The following PRDM8 variants were observed in gnomAD, a reference collection of about 807,000 sequenced individuals.
PRDM8 encodes the protein PR domain zinc finger protein 8.
In PRDM8, 13 loss-of-function variants were observed where a neutral mutation model predicts 46.5. That is an observed-to-expected ratio of 0.28 (90% CI 0.18 to 0.44). The LOEUF is 0.44. Among genes scored for constraint, PRDM8 ranks in the 20% least tolerant of loss-of-function variants. The pLI is 1.00. For missense variants in PRDM8, 998 were observed against 955.0 expected (o/e 1.04, Z -0.59); for synonymous variants, 473 against 438.4 (o/e 1.08, Z -0.98).
chr4:80,202,011 C>G lies in PRDM8; in HGVS notation c.549C>G (p.His183Gln), dbSNP rs756835117. Reference protein sequence around the residue: ...HLRFRCPKRLHSADISPQDEQ... With the variant: ...HLRFRCPKRLQSADISPQDEQ... ...GTTTCCGCTGCCCCAAGAGACTTCA[C>G]AGCGCTGATATAAGTCCCCAAGACG... The change falls in exon 4 of 4, where the codon CAC becomes CAG. Residue 183 changes from histidine (H) to glutamine (Q), a missense_variant. Transcript: ENST00000415738. 2.5e-6 allele frequency: 4 copies of G among 1,614,150 alleles called. No individual in the cohort carries two copies. The African/African-American group carries it at 4.0e-5, about 16-fold the overall frequency.
chr4:80,194,843 T>C (rs1038604381), upstream of PRDM8, among the ~76,000 whole-genome samples: 2 of 152,186 alleles, frequency 1.3e-5, no homozygotes, highest in African/African-American at 4.8e-5. Context: ...ATGTATAAAA[T>C]TGTCGCTGTT....
In PRDM8 at chr4:80,203,686, C is replaced by T; in HGVS notation, c.*154C>T. On this transcript the variant is annotated 3_prime_UTR_variant, in exon 4 of 4. Coordinates refer to ENST00000415738, the MANE Select transcript of PRDM8 (RefSeq NM_001099403.2). ...CCCCCCCGCCCCCCCAACGCGCACA[C>T]ACACGTCCTCTCCTCCCAGGAACCT... 2 of 1,332,268 alleles carry T rather than the reference C, an allele frequency of 1.5e-6. No homozygotes were observed. Among genetic ancestry groups the T allele is most frequent in the South Asian group, 1.5e-5 (1 of 64,536 alleles). The allele number at this position is 1,332,268 out of a possible 1,614,324, so 82.5% of individuals were successfully genotyped here.
intron 3 of PRDM8, 132 bp downstream of exon 3, chr4:80,201,653 T>A: frequency 1.0e-6 from 1 of 988,892 alleles, no homozygotes; most frequent in Non-Finnish European, 1.5e-6. Context: ...TTCTGAGATG[T>A]AGTCTGGAAT....
chr4:80,198,213 G>A (rs1203128366), intron 1 of PRDM8, among the ~76,000 whole-genome samples: 1 of 152,258 alleles, frequency 6.6e-6, no homozygotes, highest in African/African-American at 2.4e-5. Flanking sequence ...CTGGCGCTGC[G>A]ACTCCGACCG....
intron 1 of PRDM8, among the ~76,000 whole-genome samples, chr4:80,198,219 G>T (rs894566741): frequency 1.3e-5 from 2 of 152,252 alleles, no homozygotes; most frequent in Admixed American, 6.5e-5. Flanking sequence ...CTGCGACTCC[G>T]ACCGCTATTA....
At chr4:80,190,792 G>T (rs999280770) in intron 1 of PRDM8, among the ~76,000 whole-genome samples, 8 of 152,166 alleles carry the variant, frequency 5.3e-5, no homozygotes, top group African/African-American at 1.9e-4. Context: ...GCCTTGAGGA[G>T]GAGCAGCTAA....
chr4:80,192,083 A>G (rs1041479406), intron 2 of PRDM8, among the ~76,000 whole-genome samples: 1 of 152,012 alleles, frequency 6.6e-6, no homozygotes, highest in South Asian at 2.1e-4. Flanking sequence ...AGGCCTCAGG[A>G]AAGTGTACCA....
At chr4:80,196,637 A>G, upstream of PRDM8, 1 of 983,138 alleles carries the variant, frequency 1.0e-6, no homozygotes, top group South Asian at 4.7e-5. Flanking sequence ...CTTGCCCCCC[A>G]ACCCCAAGAC....
intron 2 of PRDM8, among the ~76,000 whole-genome samples, chr4:80,192,262 T>C (rs1311813540): frequency 6.6e-6 from 1 of 152,146 alleles, no homozygotes; most frequent in Non-Finnish European, 1.5e-5. Flanking sequence ...AGGATATATA[T>C]GCTGTGTGTC....
Position 80,200,138 on chromosome 4 carries a change from CAAT to C in PRDM8, c.59_61del (p.Gln20_Cys21delinsArg). 6.2e-7 allele frequency: 1 copy of C among 1,614,142 alleles called. No homozygotes were observed. Among genetic ancestry groups the C allele is most frequent in the Non-Finnish European group, 8.5e-7 (1 of 1,180,010 alleles). On this transcript the variant is annotated inframe_deletion, in exon 2 of 4. Coordinates refer to ENST00000415738, the MANE Select transcript of PRDM8 (RefSeq NM_001099403.2). The stretch of plus-strand genomic sequence containing the variant: ...GGATGGAGATGCCAAGGCTGTCCAA[CAAT>C]GTCTGACAGATATTTTTACCAGCGT...
upstream of PRDM8, chr4:80,196,100 G>C (rs1022339861): frequency 2.0e-5 from 20 of 982,910 alleles, no homozygotes; most frequent in Non-Finnish European, 2.4e-5. Flanking sequence ...GGGTCTCAAA[G>C]CTGGGAGAGG....
At chr4:80,196,097 A>C, upstream of PRDM8, 1 of 983,890 alleles carries the variant, frequency 1.0e-6, no homozygotes, top group Non-Finnish European at 1.2e-6. Context: ...GAAGGGTCTC[A>C]AAGCTGGGAG....
chr4:80,200,827 C>T (rs546687282), intron 2 of PRDM8, among the ~76,000 whole-genome samples: 4 of 152,296 alleles, frequency 2.6e-5, no homozygotes, highest in African/African-American at 9.6e-5. Context: ...CCTCTCATTT[C>T]CTATTCTTCT....
chr4:80,198,350 A>G (rs2109872857), intron 1 of PRDM8, among the ~76,000 whole-genome samples: 1 of 152,348 alleles, frequency 6.6e-6, no homozygotes. Context: ...TGCTTGTGTG[A>G]AAGAGATTTT....
intron 3 of PRDM8, 57 bp downstream of exon 3, chr4:80,201,578 G>GGGGAGAGCCCTTAACT: frequency 6.5e-7 from 1 of 1,542,258 alleles, no homozygotes; most frequent in Non-Finnish European, 8.9e-7. Context: ...GAGACGCAGG[G>GGGGAGAGCCCTTAACT]AGCGGCAGGG....
intron 3 of PRDM8, 92 bp downstream of exon 3, chr4:80,201,613 T>A: frequency 7.8e-7 from 1 of 1,285,224 alleles, no homozygotes; most frequent in Non-Finnish European, 1.1e-6. Flanking sequence ...TTGGCGCGCC[T>A]TTCTTCCCTT....
In PRDM8 at chr4:80,201,301, A is replaced by G. The variant is rs1045192626; in HGVS notation, c.231A>G (p.Ser77=). 1.1e-5 allele frequency: 17 copies of G among 1,614,064 alleles called. No individual in the cohort carries two copies. Among genetic ancestry groups the G allele is most frequent in the Non-Finnish European group, 1.7e-6 (2 of 1,180,026 alleles). The change falls in exon 3 of 4, where the codon TCA becomes TCG. Residue 77 remains serine (S), a synonymous_variant. Transcript: ENST00000415738. ...TVPYIFRVDT[S]AANGSSEGLM... ...ATTTCAAACCGCAGGTAGACACCTC[A>G]GCAGCAAATGGTTCCTCAGAAGGTC...
At chr4:80,196,459 T>C (rs1737967274), upstream of PRDM8, 2 of 985,268 alleles carry the variant, frequency 2.0e-6, no homozygotes, top group South Asian at 4.7e-5. Context: ...CTCAAGTCAT[T>C]AGCATCAGCT....
At chr4:80,186,723 C>G (rs1737122104) in intron 1 of PRDM8, among the ~76,000 whole-genome samples, 1 of 152,208 alleles carries the variant, frequency 6.6e-6, no homozygotes, top group African/African-American at 2.4e-5. Flanking sequence ...CTGGGGACCC[C>G]TGATGCATGC....
Sources: allele counts gnomAD v4.1 joint callset (sites outside exome capture counted in the v4.1 genomes callset), GRCh38; gene constraint gnomAD v4.1.1; transcripts MANE v1.5; gene names NCBI Gene and HGNC (gene_info 2026-07-23, HGNC 2026-07-21).